MAST2: variants seen among roughly 807,000 people sequenced by gnomAD.
MAST2 encodes the protein microtubule-associated serine/threonine-protein kinase 2.
In MAST2, 70 loss-of-function variants were observed where a neutral mutation model predicts 147.4. The ratio of observed to expected loss-of-function variants is 0.47; its 90% confidence interval spans 0.39 to 0.58. The LOEUF is 0.58. MAST2 is among the 20% of genes least tolerant of loss of function. The pLI, the probability that MAST2 is intolerant of heterozygous loss-of-function variation, is 0.00. For synonymous variants in MAST2, 869 were observed against 896.8 expected, an observed-to-expected ratio of 0.97 and a Z score of 0.55; for missense variants, 2,080 against 2,302.3, an observed-to-expected ratio of 0.90 and a Z score of 1.98.
intron 3 of MAST2, among the ~76,000 whole-genome samples, chr1:45,879,817 A>T (rs1043212401): frequency 7.2e-5 from 11 of 152,236 alleles, no homozygotes; most frequent in Non-Finnish European, 1.6e-4. Flanking sequence ...GTTAGTCATC[A>T]GGAAAATGAT....
intron 3 of MAST2, among the ~76,000 whole-genome samples, chr1:45,837,504 C>T (rs992770040): frequency 2.0e-5 from 3 of 152,230 alleles, no homozygotes; most frequent in African/African-American, 7.2e-5. Context: ...TAGACTTTTC[C>T]ATTCCCTAGT....
At chr1:46,032,976 C>CAAAAAAAAA (rs56069054) in intron 26 of MAST2, among the ~76,000 whole-genome samples, 2 of 132,270 alleles carry the variant, frequency 1.5e-5, no homozygotes, top group African/African-American at 5.8e-5. Flanking sequence ...ACTAAAAATA[C>CAAAAAAAAA]AAAAAAAAAA....
chr1:45,944,132 G>T (rs969165239), intron 4 of MAST2, among the ~76,000 whole-genome samples: 2 of 152,156 alleles, frequency 1.3e-5, no homozygotes, highest in Non-Finnish European at 2.9e-5. Flanking sequence ...GCTTGGATTT[G>T]AGCCATGATT....
At chr1:45,889,861 C>A (rs900793769) in intron 4 of MAST2, among the ~76,000 whole-genome samples, 1 of 151,998 alleles carries the variant, frequency 6.6e-6, no homozygotes, top group African/African-American at 2.4e-5. Context: ...TTAAGCAATT[C>A]TCCTGCCTCA....
At chr1:45,876,163 G>A (rs113128168) in intron 3 of MAST2, among the ~76,000 whole-genome samples, 6 of 152,326 alleles carry the variant, frequency 3.9e-5, no homozygotes, top group Non-Finnish European at 5.9e-5. Context: ...TTACCCTGGC[G>A]TTATACATTA....
At chr1:46,016,079 T>G (rs1292742405) in intron 10 of MAST2, among the ~76,000 whole-genome samples, 3 of 151,840 alleles carry the variant, frequency 2.0e-5, no homozygotes, top group Non-Finnish European at 4.4e-5. Flanking sequence ...AAAAACCACA[T>G]GATTATCTCA....
chr1:45,839,062 C>T (rs1232887873), intron 3 of MAST2, among the ~76,000 whole-genome samples: 2 of 151,988 alleles, frequency 1.3e-5, no homozygotes, highest in African/African-American at 4.8e-5. Flanking sequence ...CGACCTCCGC[C>T]TCCTGGGCTC....
intron 3 of MAST2, among the ~76,000 whole-genome samples, chr1:45,878,055 T>G (rs1026903030): frequency 1.3e-5 from 2 of 151,972 alleles, no homozygotes; most frequent in Non-Finnish European, 2.9e-5. Context: ...AATACAAAAA[T>G]TAGCCAGGCA....
At chr1:45,957,246 C>G (rs1659784985) in intron 4 of MAST2, among the ~76,000 whole-genome samples, 1 of 152,072 alleles carries the variant, frequency 6.6e-6, no homozygotes, top group Non-Finnish European at 1.5e-5. Context: ...ATTATTCATT[C>G]CTTGTTATTG....
chr1:45,921,033 T>C (rs978929282), intron 4 of MAST2, among the ~76,000 whole-genome samples: 8 of 152,226 alleles, frequency 5.3e-5, no homozygotes, highest in Non-Finnish European at 8.8e-5. Flanking sequence ...TCTCACTCTG[T>C]CACCCAGGCT....
At chr1:46,030,870 G>A in intron 22 of MAST2, 109 bp downstream of exon 22, 1 of 1,463,368 alleles carries the variant, frequency 6.8e-7, no homozygotes, top group East Asian at 2.5e-5. Flanking sequence ...CAGGGAGGGG[G>A]CATTCACAAG....
At chr1:45,954,268 T>C (rs551153937) in intron 4 of MAST2, among the ~76,000 whole-genome samples, 1 of 152,128 alleles carries the variant, frequency 6.6e-6, no homozygotes, top group Non-Finnish European at 1.5e-5. Flanking sequence ...ACAGCAGCTC[T>C]TGCAGGGGTC....
Position 45,824,589 on chromosome 1 carries a change from C to G in MAST2, c.325+9C>G. 1 of 1,570,960 alleles carries G rather than the reference C, an allele frequency of 6.4e-7. No individual in the cohort carries two copies. The highest frequency in any genetic ancestry group is 8.7e-7 in the Non-Finnish European group (1 of 1,154,454). ...GGCCAGCTCTCTATCGGGTAAATAT[C>G]TGATTTTGTTGTTTTAAGAAATGTG... On this transcript the variant is annotated intron_variant, in intron 2 of 28. Coordinates refer to ENST00000361297, the MANE Select transcript of MAST2 (RefSeq NM_015112.3).
chr1:45,927,013 G>C (rs1465083180), intron 4 of MAST2, among the ~76,000 whole-genome samples: 1 of 152,186 alleles, frequency 6.6e-6, no homozygotes, highest in Non-Finnish European at 1.5e-5. Flanking sequence ...ACAAAAGAGA[G>C]AAATTTTAAA....
chr1:45,910,005 A>G (rs1651423262), intron 4 of MAST2, among the ~76,000 whole-genome samples: 1 of 152,158 alleles, frequency 6.6e-6, no homozygotes, highest in South Asian at 2.1e-4. Flanking sequence ...GATTACAGGC[A>G]TGAGCCACTG....
At chr1:45,910,127 C>T (rs10789480) in intron 4 of MAST2, among the ~76,000 whole-genome samples, 49,400 of 126,354 alleles carry the variant, frequency 0.39, 8,674 homozygotes, top group African/African-American at 0.49. Flanking sequence ...TTTTTTTTTT[C>T]CCCAAATTTA....
intron 4 of MAST2, among the ~76,000 whole-genome samples, chr1:45,916,480 CTT>C (rs1652537128): frequency 6.6e-6 from 1 of 152,028 alleles, no homozygotes; most frequent in South Asian, 2.1e-4. Context: ...TTCGATAGGA[CTT>C]AACATATCAA....
At chr1:45,852,897 G>T (rs558314522) in intron 3 of MAST2, among the ~76,000 whole-genome samples, 2 of 151,920 alleles carry the variant, frequency 1.3e-5, no homozygotes, top group South Asian at 2.1e-4. Context: ...CACTGGCAAT[G>T]GATTTTTTTA....
At chr1:45,985,260 T>C (rs908345454) in intron 5 of MAST2, among the ~76,000 whole-genome samples, 1 of 150,740 alleles carries the variant, frequency 6.6e-6, no homozygotes, top group Non-Finnish European at 1.5e-5. Flanking sequence ...TGTGTGTGTG[T>C]GTTTTTTTTT....
Sources: gnomAD v4.1 joint callset for allele counts (sites outside exome capture counted in the v4.1 genomes callset) on GRCh38, gnomAD v4.1.1 for gene constraint, MANE v1.5 for transcripts, NCBI Gene and HGNC (gene_info 2026-07-23, HGNC 2026-07-21) for gene names.